The following FRMD7 variants were observed in gnomAD, a reference collection of about 807,000 sequenced individuals.
The protein encoded by FRMD7 is FERM domain-containing protein 7.
In FRMD7, 14 loss-of-function variants were observed where a neutral mutation model predicts 44.1. The ratio of observed to expected loss-of-function variants is 0.32; its 90% CI spans 0.21 to 0.50. The LOEUF is 0.50. Among genes scored for constraint, FRMD7 ranks in the 20% least tolerant of loss-of-function variants. The probability of loss-of-function intolerance (pLI) is 0.99; values close to 1 mark genes in which losing one functional copy is unlikely to be tolerated. For missense variants in FRMD7, 501 were observed against 522.3 expected (o/e 0.96, Z 0.40); for synonymous variants, 212 against 187.4 (o/e 1.13, Z -1.07).
intron 1 of FRMD7, among the ~76,000 whole-genome samples, chrX:132,114,972 A>G (rs1338539747): frequency 8.9e-6 from 1 of 112,703 alleles, no homozygotes; most frequent in African/African-American, 3.2e-5. Flanking sequence ...AATGGCAACC[A>G]GCTAGATTCC....
In FRMD7 at chrX:132,086,380, T is replaced by C. The variant is rs1157564620; in HGVS notation, c.383-346A>G. On this transcript the variant is annotated intron_variant, in intron 5 of 11. Transcript: ENST00000298542. ...TCTTACTTTCAATCAGCCACTGGTATAGGTGGAACTATGTCCCCACCCTCT... is the reference window on the plus strand; with the variant it reads ...TCTTACTTTCAATCAGCCACTGGTACAGGTGGAACTATGTCCCCACCCTCT... Among the ~76,000 whole-genome samples, 8 of 111,666 alleles carry C rather than the reference T, an allele frequency of 7.2e-5. No individual in the cohort carries two copies. The East Asian group carries it at 2.2e-3, about 31-fold the overall frequency.
At chrX:132,087,490 A>G (rs1928029126) in intron 5 of FRMD7, among the ~76,000 whole-genome samples, 2 of 111,464 alleles carry the variant, frequency 1.8e-5, no homozygotes, top group African/African-American at 3.3e-5. Flanking sequence ...AAATCTCCAT[A>G]TAATAAACAT....
At chrX:132,099,904 C>A (rs1325890825) in intron 2 of FRMD7, among the ~76,000 whole-genome samples, 1 of 111,635 alleles carries the variant, frequency 9.0e-6, no homozygotes, top group Non-Finnish European at 1.9e-5. Flanking sequence ...TGGGAAGATG[C>A]CAGATCACAG....
chrX:132,123,371 A>C (rs904514080), intron 1 of FRMD7, among the ~76,000 whole-genome samples: 5 of 111,974 alleles, frequency 4.5e-5, no homozygotes, highest in Non-Finnish European at 9.4e-5. Flanking sequence ...GATTAGTCCA[A>C]GATTACATAG....
At chrX:132,107,767 C>T (rs1465153212) in intron 1 of FRMD7, among the ~76,000 whole-genome samples, 1 of 111,561 alleles carries the variant, frequency 9.0e-6, no homozygotes, top group Admixed American at 9.6e-5. Context: ...AGCGCTTCAA[C>T]ATATAAATTT....
chrX:132,117,520 T>C (rs1928931140), intron 1 of FRMD7, among the ~76,000 whole-genome samples: 1 of 112,223 alleles, frequency 8.9e-6, no homozygotes, highest in Non-Finnish European at 1.9e-5. Context: ...GATTCTTTTA[T>C]TGTTTTCTCT....
chrX:132,078,237 A>C lies in FRMD7; in HGVS notation c.1780T>G (p.Ser594Ala). The C allele has an allele frequency of 8.3e-7, 1 of 1,211,432 alleles. No homozygotes were observed. The highest frequency in any genetic ancestry group is 1.1e-6 in the Non-Finnish European group (1 of 895,128). Residue 594 changes from serine to alanine, a missense_variant, in exon 12 of 12, where the codon TCA (serine) becomes GCA (alanine). By Grantham distance (99) the Ser-to-Ala change is moderately conservative. Around this residue, in one of 3 missense-constraint regions of FRMD7, gnomAD observed 453 missense variants for 452.7 expected, o/e 1.00. Transcript: ENST00000298542. Reference sequence around the variant, plus strand: ...GGAAAACGAATAGTTTTCATGTCTGATTGGCTCTGGGACCTTTTAGGGGTT... The same window carrying C: ...GGAAAACGAATAGTTTTCATGTCTGCTTGGCTCTGGGACCTTTTAGGGGTT... ...EQTPKRSQSQSDMKTIRFPFG... is the reference protein window; with the variant it reads ...EQTPKRSQSQADMKTIRFPFG...
At chrX:132,097,521 C>G (rs1928377360) in intron 3 of FRMD7, among the ~76,000 whole-genome samples, 177 bp from the exon 4 acceptor site, 1 of 111,177 alleles carries the variant, frequency 9.0e-6, no homozygotes, top group African/African-American at 3.3e-5. Flanking sequence ...TAAAGTGTCA[C>G]AATTTCTGGA....
chrX:132,106,647 T>C (rs1264283237), intron 1 of FRMD7, among the ~76,000 whole-genome samples: 1 of 111,974 alleles, frequency 8.9e-6, no homozygotes, highest in Non-Finnish European at 1.9e-5. Flanking sequence ...ACAGATTGGA[T>C]AAAGAAAATG....
chrX:132,085,268 G>T lies in FRMD7; in HGVS notation c.645+313C>A, dbSNP rs760599188. Among the ~76,000 whole-genome samples, 3 of 111,477 alleles carry T rather than the reference G, an allele frequency of 2.7e-5. No homozygotes were observed. In the East Asian group the frequency reaches 8.4e-4, roughly 31 times the overall value. Reference sequence around the variant, plus strand: ...TTGCTTTTTTGCTTATTTGTTGTTTGTTCAACAGGTAATCTATTCGCGTGG... The same window carrying T: ...TTGCTTTTTTGCTTATTTGTTGTTTTTTCAACAGGTAATCTATTCGCGTGG... On this transcript the variant is annotated intron_variant, in intron 7 of 11. Coordinates refer to ENST00000298542, the MANE Select transcript of FRMD7 (RefSeq NM_194277.3).
intron 1 of FRMD7, among the ~76,000 whole-genome samples, chrX:132,119,871 A>C (rs1483381502): frequency 9.0e-6 from 1 of 111,276 alleles, no homozygotes; most frequent in African/African-American, 3.3e-5. Flanking sequence ...CCTGGGGTGT[A>C]AATGAACTGT....
rs770847430 is a variant in FRMD7, at chrX:132,078,251, C to A, written c.1766G>T (p.Arg589Met). 14 of 1,211,263 alleles carry A rather than the reference C, an allele frequency of 1.2e-5. No homozygotes were observed. The South Asian group carries it at 1.8e-4, about 15-fold the overall frequency. Reference sequence around the variant, plus strand: ...TTTCATGTCTGATTGGCTCTGGGACCTTTTAGGGGTTTGCTCTTGAATGTT... The same window carrying A: ...TTTCATGTCTGATTGGCTCTGGGACATTTTAGGGGTTTGCTCTTGAATGTT... ...VCNIQEQTPK[R>M]SQSQSDMKTI... The change falls in exon 12 of 12, where the codon AGG becomes ATG. Residue 589 changes from arginine (R) to methionine (M), a missense_variant. Arg to Met is a moderately conservative substitution (Grantham distance 91). Around this residue, in one of 3 missense-constraint regions of FRMD7, gnomAD observed 453 missense variants for 452.7 expected, o/e 1.00. Coordinates refer to ENST00000298542, the MANE Select transcript of FRMD7 (RefSeq NM_194277.3).
chrX:132,100,858 G>A (rs1206080304), intron 1 of FRMD7, 142 bp from the exon 2 acceptor site: 1 of 490,897 alleles, frequency 2.0e-6, no homozygotes, highest in Non-Finnish European at 3.6e-6. Flanking sequence ...CCTTTTCAAA[G>A]ATGTTGACCT....
intron 7 of FRMD7, 23 bp downstream of exon 7, chrX:132,085,558 G>A (rs751807114): frequency 8.3e-7 from 1 of 1,206,098 alleles, no homozygotes; most frequent in South Asian, 1.8e-5. Flanking sequence ...AAGCTGAAGG[G>A]CTTGAAAGGA....
chrX:132,078,952 T>A lies in FRMD7; in HGVS notation c.1065A>T (p.Arg355Ser). Reference sequence around the variant, plus strand: ...GGTAGTAGCCACCACCATATGCTAGTCTCAAATCTTCCACCTTGAGAGAAT... The same window carrying A: ...GGTAGTAGCCACCACCATATGCTAGACTCAAATCTTCCACCTTGAGAGAAT... Reference protein sequence around the residue: ...SDVSKQVEDLRLAYGGGYYQN... With the variant: ...SDVSKQVEDLSLAYGGGYYQN... The change falls in exon 12 of 12, where the codon AGA becomes AGT. Residue 355 changes from arginine to serine, a missense_variant. Transcript: ENST00000298542. The A allele has an allele frequency of 8.3e-7, 1 of 1,208,334 alleles. No individual in the cohort carries two copies.
In FRMD7 at chrX:132,127,851, C is replaced by T. The variant is rs761444691; in HGVS notation, c.-7G>A. The T allele has an allele frequency of 6.7e-6, 8 of 1,201,795 alleles. No individual in the cohort carries two copies. Among genetic ancestry groups the T allele is most frequent in the African/African-American group, 5.3e-5 (3 of 57,083 alleles). On this transcript the variant is annotated 5_prime_UTR_variant, in exon 1 of 12. Coordinates refer to ENST00000298542, the MANE Select transcript of FRMD7 (RefSeq NM_194277.3). ...GCACTTTTAAATGTAGCATTCTCAG[C>T]GAGGCCGTTGGGCTGCAAGCAGGCT...
chrX:132,087,446 G>A (rs954824966), intron 5 of FRMD7, among the ~76,000 whole-genome samples: 3 of 110,901 alleles, frequency 2.7e-5, no homozygotes, highest in African/African-American at 9.8e-5. Context: ...ACAGGTGGGT[G>A]TATATCTGTA....
intron 1 of FRMD7, among the ~76,000 whole-genome samples, chrX:132,123,574 CAAACATCCCAAGGGT>C (rs1035276680): frequency 1.8e-5 from 2 of 112,160 alleles, no homozygotes; most frequent in African/African-American, 6.5e-5. Flanking sequence ...AACCCCTGGG[CAAACATCCCAAGGGT>C]AAATTCCACC....
chrX:132,112,801 C>T (rs904185117), intron 1 of FRMD7, among the ~76,000 whole-genome samples: 4 of 110,989 alleles, frequency 3.6e-5, no homozygotes, highest in African/African-American at 1.3e-4. Context: ...ATAGCTAGTC[C>T]GGTACCTGAT....
Sources: allele counts gnomAD v4.1 joint callset (sites outside exome capture counted in the v4.1 genomes callset), GRCh38; gene constraint gnomAD v4.1.1; regional missense constraint gnomAD v4.1.1; transcripts MANE v1.5; gene names NCBI Gene and HGNC (gene_info 2026-07-23, HGNC 2026-07-21).